Variants in TP73 observed in about 807,000 individuals in gnomAD.
TP73 encodes tumor protein p73.
TP73 carries 25 observed loss-of-function variants against 62.5 expected under a neutral mutation model. The observed-to-expected ratio is 0.40, with a 90% CI of 0.29 to 0.56. The LOEUF is 0.56. Among genes scored for constraint, TP73 ranks in the 20% least tolerant of loss-of-function variants. TP73 has a pLI of 0.46. For missense variants in TP73, 754 were observed against 913.3 expected (o/e 0.83, Z 2.25); for synonymous variants, 423 against 377.5 (o/e 1.12, Z -1.40).
chr1:3,707,202 G>T (rs895256760), intron 3 of TP73, among the ~76,000 whole-genome samples: 1 of 152,138 alleles, frequency 6.6e-6, no homozygotes, highest in Non-Finnish European at 1.5e-5. Context: ...CCCCGATGCC[G>T]CCCGGAGGGT....
rs927763901 is a variant in TP73 at position 3,663,757 on chromosome 1, G to A, written c.-34+11116G>A. Among the ~76,000 whole-genome samples, 1 of 152,090 alleles carries A rather than the reference G, an allele frequency of 6.6e-6. No homozygotes were observed. The highest frequency in any genetic ancestry group is 2.4e-5 in the African/African-American group (1 of 41,432). On this transcript the variant is annotated intron_variant, in intron 1 of 13. Transcript: ENST00000378295. The surrounding 1 kb of genome is among the most constrained non-coding windows in gnomAD (Gnocchi z 4.7). ...CATCCTGAACCGGGGGCTGGGGCCA[G>A]GTCTGAAGGCTCTGATCTTCCTTTC...
chr1:3,724,994 G>C (rs911416151), intron 6 of TP73, among the ~76,000 whole-genome samples: 32 of 152,234 alleles, frequency 2.1e-4, no homozygotes, highest in African/African-American at 7.2e-4. Flanking sequence ...ACTCCAGCCT[G>C]GGGGACAGAG....
intron 9 of TP73, among the ~76,000 whole-genome samples, chr1:3,728,992 A>AAG (rs3034587): frequency 9.9e-5 from 15 of 150,830 alleles, no homozygotes; most frequent in East Asian, 1.9e-4. Flanking sequence ...TGTCGAAAGA[A>AAG]AGAGAGAGAG....
At chr1:3,683,712 C>T (rs2102095534) in intron 3 of TP73, among the ~76,000 whole-genome samples, 1 of 152,348 alleles carries the variant, frequency 6.6e-6, no homozygotes, top group East Asian at 1.9e-4. Context: ...CCTCTTTTCC[C>T]ATAGTCCAGC....
chr1:3,723,607 C>G, intron 6 of TP73, 138 bp downstream of exon 6: 1 of 683,828 alleles, frequency 1.5e-6, no homozygotes, highest in South Asian at 1.7e-5. Flanking sequence ...TCCAGGGCTC[C>G]CTGCTCTGTG....
chr1:3,670,829 T>C lies in TP73; in HGVS notation c.-33-11504T>C, dbSNP rs1336444714. 6.6e-6 allele frequency among the ~76,000 whole-genome samples: 1 copy of C among 152,164 alleles called. No homozygotes were observed. Among genetic ancestry groups the C allele is most frequent in the Non-Finnish European group, 1.5e-5 (1 of 68,014 alleles). ...GGCCCCGCCCGCTCAAACCAAATCA[T>C]GGATTCTGTCATCGCTTCTTCACGG... On this transcript the variant is annotated intron_variant, in intron 1 of 13. Transcript: ENST00000378295. This position sits in a 1 kb window ranked among gnomAD's most constrained non-coding sequence, Gnocchi z 5.9.
At chr1:3,677,145 T>C (rs1233051547) in intron 1 of TP73, among the ~76,000 whole-genome samples, 5 of 152,066 alleles carry the variant, frequency 3.3e-5, no homozygotes, top group Non-Finnish European at 5.9e-5. Flanking sequence ...CTGTGCTCCG[T>C]GGGTCCCGGG....
chr1:3,689,663 G>A (rs988157490), intron 3 of TP73, among the ~76,000 whole-genome samples: 3 of 152,210 alleles, frequency 2.0e-5, no homozygotes, highest in Admixed American at 2.0e-4. Flanking sequence ...GGAAGCTGGG[G>A]AGATGGAGAC....
chr1:3,691,945 T>C (rs560284654), intron 3 of TP73, among the ~76,000 whole-genome samples: 47 of 152,328 alleles, frequency 3.1e-4, no homozygotes, highest in African/African-American at 1.1e-3. Context: ...TGTGTGAGCG[T>C]GCACATCAAT....
At chr1:3,713,866 C>T (rs1002759289) in intron 4 of TP73, among the ~76,000 whole-genome samples, 10 of 152,118 alleles carry the variant, frequency 6.6e-5, no homozygotes, top group South Asian at 2.1e-4. Context: ...AGGCCGTGAG[C>T]GGAACAGGGC....
rs3220997 is a variant in TP73, at chr1:3,668,515, C to CATGTGTGT, written c.-33-13818_-33-13817insATGTGTGT. The CATGTGTGT allele has an allele frequency of 2.0e-5, 3 of 148,724 alleles. No individual in the cohort carries two copies. The East Asian group carries it at 5.9e-4, about 29-fold the overall frequency. 9.2% of individuals were successfully genotyped at this position (148,724 alleles called of 1,614,324 possible). A position where few individuals can be genotyped will look rare whatever the true frequency, so the allele number is the denominator to read the frequency against. The stretch of plus-strand genomic sequence containing the variant: ...TGTTGAATTATCTGAACTTGCTGCA[C>CATGTGTGT]GTGTGTGTGTGTGTGTGTGTGTGTG... On this transcript the variant is annotated intron_variant, in intron 1 of 13. Coordinates refer to ENST00000378295, the MANE Select transcript of TP73 (RefSeq NM_005427.4).
chr1:3,717,541 G>A (rs1640708581), intron 4 of TP73, among the ~76,000 whole-genome samples: 1 of 152,202 alleles, frequency 6.6e-6, no homozygotes, highest in East Asian at 1.9e-4. Context: ...GGAAGGAGAA[G>A]GCAGGAGGGG....
intron 3 of TP73, among the ~76,000 whole-genome samples, chr1:3,691,696 C>T (rs570566070): frequency 6.6e-4 from 100 of 152,334 alleles, no homozygotes; most frequent in African/African-American, 2.2e-3. Flanking sequence ...GAAGGCTCGG[C>T]ACAGCTGCTC....
chr1:3,664,056 A>G (rs1490437009), intron 1 of TP73, among the ~76,000 whole-genome samples: 1 of 152,184 alleles, frequency 6.6e-6, no homozygotes, highest in African/African-American at 2.4e-5. Context: ...TGAGCTGCCT[A>G]TGGGACCACA....
rs1645216454 is a variant in TP73 at position 3,670,535 on chromosome 1, A to C, written c.-33-11798A>C. 6.6e-6 allele frequency among the ~76,000 whole-genome samples: 1 copy of C among 152,058 alleles called. No individual in the cohort carries two copies. Among genetic ancestry groups the C allele is most frequent in the South Asian group, 2.1e-4 (1 of 4,826 alleles). On this transcript the variant is annotated intron_variant, in intron 1 of 13. Coordinates refer to ENST00000378295, the MANE Select transcript of TP73 (RefSeq NM_005427.4). This position sits in a 1 kb window ranked among gnomAD's most constrained non-coding sequence, Gnocchi z 5.9. ...AAAAATTAGCTGGGCGTGGTGGCGC[A>C]CACAGCTGTAATCCCAGCTACTGGG...
Position 3,701,052 on chromosome 1 carries a change from C to A in TP73, c.187-6497C>A, listed in dbSNP as rs987428918. 2.6e-5 allele frequency among the ~76,000 whole-genome samples: 4 copies of A among 152,182 alleles called. No homozygotes were observed. Among genetic ancestry groups the A allele is most frequent in the African/African-American group, 9.7e-5 (4 of 41,438 alleles). ...GGGCTTGGGGCTGTGGCCGACATGG[C>A]GGGCAGTGGCACACCGTGGCCACTT... On this transcript the variant is annotated intron_variant, in intron 3 of 13. Coordinates refer to ENST00000378295, the MANE Select transcript of TP73 (RefSeq NM_005427.4). This position sits in a 1 kb window ranked among gnomAD's most constrained non-coding sequence, Gnocchi z 4.7.
chr1:3,653,141 A>G (rs565646055), intron 1 of TP73, among the ~76,000 whole-genome samples: 68 of 152,334 alleles, frequency 4.5e-4, no homozygotes, highest in Admixed American at 9.8e-4. Context: ...CCCCCTCTGG[A>G]CAGGGAGAAG....
chr1:3,668,515 C>CGTGTGT (rs70940305), intron 1 of TP73: 47,853 of 148,598 alleles, frequency 0.32, 8,194 homozygotes, highest in Non-Finnish European at 0.4. Context: ...ACTTGCTGCA[C>CGTGTGT]GTGTGTGTGT....
intron 1 of TP73, among the ~76,000 whole-genome samples, chr1:3,680,130 A>C (rs1358430615): frequency 2.6e-5 from 4 of 151,788 alleles, no homozygotes; most frequent in African/African-American, 9.7e-5. Flanking sequence ...TCTTTGTCCC[A>C]CCTTAGCCTT....
Sources: allele counts gnomAD v4.1 joint callset (sites outside exome capture counted in the v4.1 genomes callset), GRCh38; gene constraint gnomAD v4.1.1; non-coding constraint Gnocchi (gnomAD v3.1); transcripts MANE v1.5; gene names NCBI Gene and HGNC (gene_info 2026-07-23, HGNC 2026-07-21).